Variants in RAB6B observed in about 807,000 individuals in gnomAD.
RAB6B encodes ras-related protein Rab-6B.
A neutral mutation model predicts 31.2 loss-of-function variants in RAB6B; 7 were observed. The observed-to-expected ratio is 0.22, with a 90% CI of 0.13 to 0.42. The LOEUF is 0.42. Ranked by LOEUF, RAB6B falls within the 10% of genes least tolerant of loss-of-function variation. The pLI, the probability that RAB6B is intolerant of heterozygous loss-of-function variation, is 1.00. For missense variants in RAB6B, 149 were observed against 280.6 expected, an observed-to-expected ratio of 0.53 and a Z score of 3.35; for synonymous variants, 105 against 104.9, an observed-to-expected ratio of 1.00 and a Z score of -0.01.
intron 1 of RAB6B, 124 bp downstream of exon 1, chr3:133,895,273 C>T: frequency 1.1e-6 from 1 of 871,382 alleles, no homozygotes; most frequent in Non-Finnish European, 1.7e-6. Context: ...CCATCCCTGT[C>T]CCTCTCCTCT....
chr3:133,876,970 T>C (rs1936406080), intron 1 of RAB6B, among the ~76,000 whole-genome samples: 1 of 151,874 alleles, frequency 6.6e-6, no homozygotes. Context: ...ATTTAGCCTC[T>C]AACCTGAAAC....
intron 2 of RAB6B, among the ~76,000 whole-genome samples, chr3:133,858,436 T>C (rs1224259176): frequency 6.6e-6 from 1 of 152,166 alleles, no homozygotes; most frequent in Non-Finnish European, 1.5e-5. Context: ...ACTACAGTCA[T>C]CTCCTCACAG....
intron 1 of RAB6B, among the ~76,000 whole-genome samples, chr3:133,869,215 G>A (rs1307444708): frequency 6.6e-6 from 1 of 152,252 alleles, no homozygotes; most frequent in Non-Finnish European, 1.5e-5. Flanking sequence ...AGGCTAGGTT[G>A]CTATGGGGGA....
At chr3:133,874,045 A>G (rs950200315) in intron 1 of RAB6B, among the ~76,000 whole-genome samples, 3 of 152,170 alleles carry the variant, frequency 2.0e-5, no homozygotes, top group African/African-American at 7.2e-5. Flanking sequence ...GAGGAAGGGA[A>G]AGGGTTGGTC....
chr3:133,894,264 G>A (rs1339466964), intron 1 of RAB6B: 1 of 152,376 alleles, frequency 6.6e-6, no homozygotes, highest in African/African-American at 2.4e-5. Flanking sequence ...GCTGACCAGA[G>A]CTCAGTTTGT....
At chr3:133,890,655 C>T (rs529498295) in intron 1 of RAB6B, among the ~76,000 whole-genome samples, 11 of 152,240 alleles carry the variant, frequency 7.2e-5, no homozygotes, top group African/African-American at 2.6e-4. Flanking sequence ...CAACTTCCTT[C>T]ACTTTTAATC....
intron 1 of RAB6B, among the ~76,000 whole-genome samples, chr3:133,883,861 C>A (rs1407354269): frequency 6.6e-6 from 1 of 152,228 alleles, no homozygotes; most frequent in Non-Finnish European, 1.5e-5. Context: ...CAATCCTGAG[C>A]CAAAATGGTC....
intron 2 of RAB6B, among the ~76,000 whole-genome samples, chr3:133,864,267 C>A (rs1293071154): frequency 6.6e-6 from 1 of 152,084 alleles, no homozygotes; most frequent in Non-Finnish European, 1.5e-5. Context: ...TCATCTTGTT[C>A]CTCTTCCACA....
intron 7 of RAB6B, among the ~76,000 whole-genome samples, chr3:133,834,148 A>T (rs1278125131): frequency 6.6e-6 from 1 of 151,642 alleles, no homozygotes; most frequent in East Asian, 1.9e-4. Flanking sequence ...CGGGACAAGG[A>T]GGGGGCATCT....
chr3:133,831,399 G>A (rs1471794733), intron 7 of RAB6B, among the ~76,000 whole-genome samples: 1 of 152,218 alleles, frequency 6.6e-6, no homozygotes, highest in Non-Finnish European at 1.5e-5. Flanking sequence ...AGCAACATGG[G>A]CAACTGGGCA....
chr3:133,882,177 G>A (rs2715633), intron 1 of RAB6B, among the ~76,000 whole-genome samples: 60,915 of 151,914 alleles, frequency 0.4, 13,378 homozygotes, highest in African/African-American at 0.59. Flanking sequence ...CCCTTGCCAC[G>A]TGACCCCCTC....
intron 2 of RAB6B, among the ~76,000 whole-genome samples, chr3:133,860,581 C>T (rs569123778): frequency 1.1e-4 from 16 of 152,316 alleles, no homozygotes; most frequent in East Asian, 9.6e-4. Flanking sequence ...CAGGGCGGAG[C>T]GGCAGGAATG....
chr3:133,853,220 T>C (rs936702898), intron 2 of RAB6B, among the ~76,000 whole-genome samples: 2 of 152,080 alleles, frequency 1.3e-5, no homozygotes, highest in African/African-American at 4.8e-5. Context: ...TGTGTACTGA[T>C]GGGAAGGTGG....
At chr3:133,856,231 A>G (rs939653965) in intron 2 of RAB6B, among the ~76,000 whole-genome samples, 2 of 152,216 alleles carry the variant, frequency 1.3e-5, no homozygotes, top group Admixed American at 1.3e-4. Flanking sequence ...ATGTGCTGAC[A>G]AAGAAGTGGA....
chr3:133,856,896 T>C (rs1936088056), intron 2 of RAB6B, among the ~76,000 whole-genome samples: 1 of 152,184 alleles, frequency 6.6e-6, no homozygotes, highest in South Asian at 2.1e-4. Flanking sequence ...TCACCTCATA[T>C]TGTGACCCCA....
intron 1 of RAB6B, among the ~76,000 whole-genome samples, chr3:133,873,361 TTTAGTCTCAG>T (rs1407764003): frequency 1.3e-5 from 2 of 152,116 alleles, no homozygotes; most frequent in Non-Finnish European, 2.9e-5. Context: ...GACTGGAAGA[TTTAGTCTCAG>T]TTTTCCTTCC....
intron 6 of RAB6B, 85 bp downstream of exon 6, chr3:133,838,081 G>A: frequency 1.4e-6 from 2 of 1,396,566 alleles, no homozygotes; most frequent in Non-Finnish European, 1.0e-6. Flanking sequence ...GCCCTTCAGG[G>A]CAAGGCAGCT....
intron 6 of RAB6B, 102 bp from the exon 7 acceptor site, chr3:133,834,743 C>T: frequency 9.1e-7 from 1 of 1,098,754 alleles, no homozygotes; most frequent in Admixed American, 1.8e-5. Context: ...CAACCTGCAG[C>T]TTTACTCTCC....
chr3:133,838,096 G>C (rs1935767390), intron 6 of RAB6B, 70 bp downstream of exon 6: 7 of 1,493,326 alleles, frequency 4.7e-6, no homozygotes, highest in Middle Eastern at 1.8e-4. Context: ...GCAGCTCTGA[G>C]CCTGCAGCTG....
Sources: gnomAD v4.1 joint callset for allele counts (sites outside exome capture counted in the v4.1 genomes callset) on GRCh38, gnomAD v4.1.1 for gene constraint, MANE v1.5 for transcripts, NCBI Gene and HGNC (gene_info 2026-07-23, HGNC 2026-07-21) for gene names.